The following ABCB1 variants were observed in gnomAD, a reference collection of about 807,000 sequenced individuals.
ABCB1 encodes ATP-dependent translocase ABCB1.
A neutral mutation model predicts 142.0 loss-of-function variants in ABCB1; 69 were observed. That is an observed-to-expected ratio of 0.49 (90% CI 0.40 to 0.59). The LOEUF (loss-of-function observed/expected upper bound fraction) is 0.59. Among genes scored for constraint, ABCB1 ranks in the 20% least tolerant of loss-of-function variants. The pLI, the probability that ABCB1 is intolerant of heterozygous loss-of-function variation, is 0.00. For missense variants in ABCB1, 1,326 were observed against 1,554.7 expected (o/e 0.85, Z 2.47); for synonymous variants, 532 against 539.2 (o/e 0.99, Z 0.18).
chr7:87,679,902 A>G (rs758448124), intron 1 of ABCB1, among the ~76,000 whole-genome samples: 30 of 150,592 alleles, frequency 2.0e-4, no homozygotes, highest in Non-Finnish European at 3.7e-4. Context: ...AAATCACCAA[A>G]TGTTTGAAAA....
chr7:87,670,877 G>C (rs183297817), intron 1 of ABCB1, among the ~76,000 whole-genome samples: 10 of 152,210 alleles, frequency 6.6e-5, no homozygotes, highest in African/African-American at 2.4e-4. Context: ...CTCTGTCAAT[G>C]TTCTGAAAGT....
At chr7:87,665,593 G>A (rs964879098) in intron 1 of ABCB1, among the ~76,000 whole-genome samples, 1 of 152,016 alleles carries the variant, frequency 6.6e-6, no homozygotes, top group African/African-American at 2.4e-5. Context: ...TGTCATCTAG[G>A]TAAATTGCAT....
intron 1 of ABCB1, chr7:87,709,486 G>A: frequency 2.0e-6 from 2 of 985,442 alleles, no homozygotes; most frequent in Non-Finnish European, 2.4e-6. Flanking sequence ...CACAGGGCAA[G>A]CTAAAAGGGA....
intron 1 of ABCB1, among the ~76,000 whole-genome samples, chr7:87,645,048 T>C (rs1173206106): frequency 6.6e-6 from 1 of 151,766 alleles, no homozygotes; most frequent in African/African-American, 2.4e-5. Context: ...CTTTCTTAAG[T>C]TTTAAGGTTT....
intron 1 of ABCB1, among the ~76,000 whole-genome samples, chr7:87,708,220 A>G (rs1289213429): frequency 6.6e-6 from 1 of 152,150 alleles, no homozygotes; most frequent in African/African-American, 2.4e-5. Flanking sequence ...TTTTAAAAAG[A>G]TTAATGCAGT....
chr7:87,584,703 G>C (rs1818659532), intron 4 of ABCB1, among the ~76,000 whole-genome samples: 1 of 152,068 alleles, frequency 6.6e-6, no homozygotes, highest in South Asian at 2.1e-4. Flanking sequence ...GAAAACTAAA[G>C]TTATCAGGAG....
At chr7:87,595,667 C>T in intron 3 of ABCB1, 99 bp downstream of exon 3, 1 of 969,226 alleles carries the variant, frequency 1.0e-6, no homozygotes, top group South Asian at 1.4e-5. Flanking sequence ...TTAACATACC[C>T]TATACGAAAA....
chr7:87,505,584 C>T (rs1035699937), intron 27 of ABCB1, among the ~76,000 whole-genome samples: 3 of 152,208 alleles, frequency 2.0e-5, no homozygotes, highest in Non-Finnish European at 4.4e-5. Flanking sequence ...CTGTCTTACA[C>T]TACCACTTTT....
chr7:87,551,045 A>G (rs1471487442), intron 9 of ABCB1, among the ~76,000 whole-genome samples: 1 of 152,162 alleles, frequency 6.6e-6, no homozygotes, highest in Non-Finnish European at 1.5e-5. Flanking sequence ...TTTAAGAGAC[A>G]GGTTCTCATT....
intron 3 of ABCB1, among the ~76,000 whole-genome samples, chr7:87,591,353 T>G (rs958148024): frequency 6.6e-6 from 1 of 152,026 alleles, no homozygotes; most frequent in African/African-American, 2.4e-5. Context: ...ACTAAGTGAG[T>G]GCTATTTTCC....
Position 87,672,766 on chromosome 7 carries a change from A to G in ABCB1, c.-331+40395T>C, listed in dbSNP as rs528523476. Among the ~76,000 whole-genome samples the G allele has an allele frequency of 6.6e-5, 10 of 152,240 alleles. No individual in the cohort carries two copies. In the East Asian group the frequency reaches 1.9e-3, roughly 30 times the overall value. On this transcript the variant is annotated intron_variant, in intron 1 of 28. Coordinates refer to the ABCB1 transcript ENST00000265724. ...TTCATGGGAGAAGTGTGGTTTCCTG[A>G]GGTCACACATTGACTCACTGCTTCC...
At chr7:87,504,578 G>T in intron 27 of ABCB1, 129 bp from the exon 28 acceptor site, 1 of 1,240,720 alleles carries the variant, frequency 8.1e-7, no homozygotes, top group Non-Finnish European at 1.1e-6. Context: ...GGAGGCCAAG[G>T]CGGGCAGATC....
intron 1 of ABCB1, chr7:87,627,832 G>C (rs1038816312): frequency 1.3e-5 from 2 of 152,400 alleles, no homozygotes; most frequent in South Asian, 2.1e-4. Flanking sequence ...GTCAGTCCCG[G>C]GTGCGGGCTG....
chr7:87,684,237 C>T (rs774678360), intron 1 of ABCB1, among the ~76,000 whole-genome samples: 1 of 152,062 alleles, frequency 6.6e-6, no homozygotes, highest in Admixed American at 6.5e-5. Context: ...TTGGAAAACT[C>T]GTTGTTAAGA....
rs1459884288 is a variant in ABCB1 at position 87,629,105 on chromosome 7, G to A, written c.-330-28027C>T. The A allele has an allele frequency of 1.8e-5, 11 of 624,702 alleles. No individual in the cohort carries two copies. The East Asian group carries it at 3.8e-4, about 22-fold the overall frequency. 38.7% of individuals were successfully genotyped at this position (624,702 alleles called of 1,614,324 possible). A position where few individuals can be genotyped will look rare whatever the true frequency, so the allele number is the denominator to read the frequency against. ...CTGTGAGCGCGCAGCTCCTTGGACA[G>A]GGGCCCGGGTCTGGACACCGTCGCA... is the stretch of plus-strand genomic sequence containing the variant. On this transcript the variant is annotated intron_variant, in intron 1 of 28. Coordinates refer to the ABCB1 transcript ENST00000265724.
chr7:87,686,743 C>T (rs1047028545), intron 1 of ABCB1, among the ~76,000 whole-genome samples: 1 of 150,812 alleles, frequency 6.6e-6, no homozygotes, highest in African/African-American at 2.4e-5. Flanking sequence ...AGTTTGAGAC[C>T]CACCTGGGCA....
rs142582619 is a variant in ABCB1 at position 87,618,228 on chromosome 7, C to T, written c.-330-17150G>A. ...TCTCTCCTTTGGAACATTTATCATA[C>T]GGTATAAATATGTATATGTTGATTT... On this transcript the variant is annotated intron_variant, in intron 1 of 28. Coordinates refer to the ABCB1 transcript ENST00000265724. Among the ~76,000 whole-genome samples, 418 of 152,184 alleles carry T rather than the reference C, an allele frequency of 2.7e-3. 4 individuals are homozygous for T. Among genetic ancestry groups the T allele is most frequent in the East Asian group, 2.1e-3 (11 of 5,180 alleles).
At chr7:87,679,584 C>T (rs1826723996) in intron 1 of ABCB1, among the ~76,000 whole-genome samples, 2 of 150,076 alleles carry the variant, frequency 1.3e-5, no homozygotes, top group African/African-American at 5.0e-5. Flanking sequence ...GAGGCTAGGT[C>T]TCACTATGTT....
chr7:87,619,133 C>A (rs1820129736), intron 1 of ABCB1, among the ~76,000 whole-genome samples: 1 of 152,088 alleles, frequency 6.6e-6, no homozygotes, highest in Non-Finnish European at 1.5e-5. Context: ...ATTTGTTATA[C>A]AACAATAGAA....
Sources: allele counts gnomAD v4.1 joint callset (sites outside exome capture counted in the v4.1 genomes callset), GRCh38; gene constraint gnomAD v4.1.1; transcripts MANE v1.5; gene names NCBI Gene and HGNC (gene_info 2026-07-23, HGNC 2026-07-21).